Variants in RSL1D1 observed in about 807,000 individuals in gnomAD.
The protein encoded by RSL1D1 is ribosomal L1 domain-containing protein 1.
RSL1D1 carries 34 observed loss-of-function variants against 44.6 expected under a neutral mutation model. The ratio of observed to expected loss-of-function variants is 0.76; its 90% CI spans 0.58 to 1.02. RSL1D1 has a LOEUF of 1.02. Ranked by LOEUF, RSL1D1 falls within the 50% of genes least tolerant of loss-of-function variation. RSL1D1 has a pLI of 0.00. For synonymous variants in RSL1D1, 271 were observed against 207.4 expected, an observed-to-expected ratio of 1.31 and a Z score of -2.63; for missense variants, 767 against 568.1, an observed-to-expected ratio of 1.35 and a Z score of -3.56.
chr16:11,838,856 C>CAAAAAAA (rs760015457), intron 8 of RSL1D1, among the ~76,000 whole-genome samples: 2 of 82,314 alleles, frequency 2.4e-5, no homozygotes, highest in African/African-American at 8.7e-5. Context: ...GACCTTGTCT[C>CAAAAAAA]AAAAAAAAAA....
At chr16:11,844,106 T>C (rs1405336097) in intron 5 of RSL1D1, among the ~76,000 whole-genome samples, 1 of 152,008 alleles carries the variant, frequency 6.6e-6, no homozygotes, top group Non-Finnish European at 1.5e-5. Flanking sequence ...CCTCTCTCTC[T>C]TCAGCCAAAG....
chr16:11,839,428 C>A (rs545326270), intron 8 of RSL1D1, among the ~76,000 whole-genome samples: 27 of 147,762 alleles, frequency 1.8e-4, no homozygotes, highest in African/African-American at 5.7e-4. Flanking sequence ...TGTGGTGGCT[C>A]ACACTTGTAA....
chr16:11,845,393 C>T (rs1391922918), intron 5 of RSL1D1, among the ~76,000 whole-genome samples: 2 of 152,158 alleles, frequency 1.3e-5, no homozygotes, highest in African/African-American at 2.4e-5. Flanking sequence ...TTGGAGGTTG[C>T]AGTGAACTGT....
rs942345417 is a variant in RSL1D1, at chr16:11,838,824, T to G, written c.1147-711A>C. Among the ~76,000 whole-genome samples, 49 of 132,848 alleles carry G rather than the reference T, an allele frequency of 3.7e-4. 1 individual carries two copies. Among genetic ancestry groups the G allele is most frequent in the Non-Finnish European group, 7.6e-5 (5 of 65,482 alleles). The allele number at this position is 132,848 out of a possible 152,430, so 87.2% of individuals were successfully genotyped here. A position where few individuals can be genotyped will look rare whatever the true frequency, so the allele number is the denominator to read the frequency against. On this transcript the variant is annotated intron_variant, in intron 8 of 8. Transcript: ENST00000571133. Reference sequence around the variant, plus strand: ...GTGAGCCGAGATCATGCCACTGCACTCCATCCTGGGCAACAAAGTGAGACC... The same window carrying G: ...GTGAGCCGAGATCATGCCACTGCACGCCATCCTGGGCAACAAAGTGAGACC...
At chr16:11,849,923 C>T (rs1302978787) in intron 2 of RSL1D1, among the ~76,000 whole-genome samples, 1 of 152,096 alleles carries the variant, frequency 6.6e-6, no homozygotes, top group East Asian at 1.9e-4. Context: ...GACATCTCCG[C>T]TCACTGCCAC....
At chr16:11,851,099 G>A (rs1399861053) in intron 1 of RSL1D1, 2 of 437,260 alleles carry the variant, frequency 4.6e-6, no homozygotes, top group Non-Finnish European at 8.5e-6. Context: ...ACGGGTAACA[G>A]ACCTGCAAAA....
chr16:11,847,092 A>G (rs1434544409), intron 3 of RSL1D1, among the ~76,000 whole-genome samples: 2 of 152,142 alleles, frequency 1.3e-5, no homozygotes, highest in East Asian at 1.9e-4. Flanking sequence ...ATTATTATAC[A>G]TATGTTGCTG....
At chr16:11,847,114 G>A (rs1341483968) in intron 3 of RSL1D1, among the ~76,000 whole-genome samples, 3 of 152,092 alleles carry the variant, frequency 2.0e-5, no homozygotes, top group South Asian at 2.1e-4. Context: ...ATGTGCTTAC[G>A]CCTGTAATAC....
intron 5 of RSL1D1, among the ~76,000 whole-genome samples, chr16:11,844,387 ATCT>A (rs751808716): frequency 1.3e-5 from 2 of 152,092 alleles, no homozygotes; most frequent in Non-Finnish European, 2.9e-5. Flanking sequence ...TCATGGTACC[ATCT>A]TCTTCTCCCA....
In RSL1D1 at chr16:11,837,713, G is replaced by A. The variant is rs2053731876; in HGVS notation, c.*74C>T. On this transcript the variant is annotated 3_prime_UTR_variant, in exon 9 of 9. Coordinates refer to ENST00000571133, the MANE Select transcript of RSL1D1 (RefSeq NM_015659.3). ...CTGACGTTTAGAGAAGGTTACAAAG[G>A]CGGCCAGGATCTGAGTATTTCCAAA... 7.6e-6 allele frequency: 10 copies of A among 1,320,672 alleles called. No individual in the cohort carries two copies. In the South Asian group the frequency reaches 9.8e-5, roughly 13 times the overall value. The allele number at this position is 1,320,672 out of a possible 1,614,324, so 81.8% of individuals were successfully genotyped here.
In RSL1D1 at chr16:11,841,675, G is replaced by T; in HGVS notation, c.855+20C>A. On this transcript the variant is annotated intron_variant, in intron 7 of 8. Coordinates refer to ENST00000571133, the MANE Select transcript of RSL1D1 (RefSeq NM_015659.3). Reference sequence around the variant, plus strand: ...ACACCCTTCATTATTCATTCTGTAAGTATTTAAAATTCTACTAACTTTTTT... The same window carrying T: ...ACACCCTTCATTATTCATTCTGTAATTATTTAAAATTCTACTAACTTTTTT... 6.2e-7 allele frequency: 1 copy of T among 1,600,138 alleles called. No individual in the cohort carries two copies. The highest frequency in any genetic ancestry group is 8.5e-7 in the Non-Finnish European group (1 of 1,170,508).
At chr16:11,838,407 C>G (rs1299353524) in intron 8 of RSL1D1, among the ~76,000 whole-genome samples, 1 of 151,972 alleles carries the variant, frequency 6.6e-6, no homozygotes, top group African/African-American at 2.4e-5. Context: ...AGGTGATCCA[C>G]CTGCCTCGGC....
Position 11,835,947 on chromosome 16 carries a change from T to TG in RSL1D1, c.*1839_*1840insC, listed in dbSNP as rs2141248897. Reference sequence around the variant, plus strand: ...ATCTAAGCCCAGGGCATAAAATCCCTCGTGGCTTGGATAAAATCCAGGGCC... The same window carrying TG: ...ATCTAAGCCCAGGGCATAAAATCCCTGCGTGGCTTGGATAAAATCCAGGGCC... On this transcript the variant is annotated 3_prime_UTR_variant, in exon 9 of 9. Coordinates refer to ENST00000571133, the MANE Select transcript of RSL1D1 (RefSeq NM_015659.3). 6.6e-6 allele frequency: 1 copy of TG among 152,280 alleles called. No individual in the cohort carries two copies. Among genetic ancestry groups the TG allele is most frequent in the Non-Finnish European group, 1.5e-5 (1 of 68,046 alleles). 9.4% of individuals were successfully genotyped at this position (152,280 alleles called of 1,614,324 possible). A position where few individuals can be genotyped will look rare whatever the true frequency, so the allele number is the denominator to read the frequency against.
At position 11,837,969 on chromosome 16, in the gene RSL1D1, T is replaced by G. The variant is rs757833801; in HGVS notation, c.1291A>C (p.Lys431Gln). 20 of 1,613,756 alleles carry G rather than the reference T, an allele frequency of 1.2e-5. No individual in the cohort carries two copies. The highest frequency in any genetic ancestry group is 2.2e-5 in the East Asian group (1 of 44,886). ...SETPGKSPEK[K>Q]PKIKEEAVKE... ...ACTGCCTCTTCTTTGATTTTTGGCT[T>G]CTTCTCTGGGCTTTTCCCTGGGGTC... The change falls in exon 9 of 9, where the codon AAG becomes CAG. Residue 431 changes from lysine to glutamine, a missense_variant. By Grantham distance (53) the Lys-to-Gln change is moderately conservative. Transcript: ENST00000571133.
At position 11,839,864 on chromosome 16, in the gene RSL1D1, C is replaced by G; in HGVS notation, c.977G>C (p.Gly326Ala). 6.2e-7 allele frequency: 1 copy of G among 1,614,156 alleles called. No individual in the cohort carries two copies. Among genetic ancestry groups the G allele is most frequent in the Non-Finnish European group, 8.5e-7 (1 of 1,180,030 alleles). ...LSKDDVAPES[G>A]DTTVKKPESK... is the part of the protein sequence containing the mutation. ...TTCAGGTTTCTTCACTGTAGTATCA[C>G]CACTTTCAGGTGCCACATCATCTTT... Residue 326 changes from glycine (G) to alanine (A), a missense_variant, in exon 8 of 9, where the codon GGT (glycine) becomes GCT (alanine). Physicochemically the swap from Gly to Ala is moderately conservative, Grantham distance 60 (BLOSUM62 0). Coordinates refer to ENST00000571133, the MANE Select transcript of RSL1D1 (RefSeq NM_015659.3).
chr16:11,838,250 A>G (rs944886735), intron 8 of RSL1D1, 137 bp from the exon 9 acceptor site: 9 of 716,094 alleles, frequency 1.3e-5, no homozygotes, highest in African/African-American at 3.6e-5. Flanking sequence ...CTAGAGTGCA[A>G]TGGCACAATC....
Position 11,837,685 on chromosome 16 carries a change from G to C in RSL1D1, c.*102C>G. 2.7e-6 allele frequency: 3 copies of C among 1,098,514 alleles called. No individual in the cohort carries two copies. Among genetic ancestry groups the C allele is most frequent in the Non-Finnish European group, 4.0e-6 (3 of 753,854 alleles). The allele number at this position is 1,098,514 out of a possible 1,614,324, so 68.0% of individuals were successfully genotyped here. On this transcript the variant is annotated 3_prime_UTR_variant, in exon 9 of 9. Transcript: ENST00000571133. ...GGTTTTAAAAAATCTTTTAAGTCCA[G>C]GCCTGACGTTTAGAGAAGGTTACAA...
chr16:11,842,185 G>A (rs2053768236), intron 5 of RSL1D1, among the ~76,000 whole-genome samples, 185 bp from the exon 6 acceptor site: 1 of 151,394 alleles, frequency 6.6e-6, no homozygotes, highest in Non-Finnish European at 1.5e-5. Flanking sequence ...AAATTAACTG[G>A]GCATGGTGGT....
Position 11,837,667 on chromosome 16 carries a change from A to T in RSL1D1, c.*120T>A. 1 of 1,000,386 alleles carries T rather than the reference A, an allele frequency of 1.0e-6. No homozygotes were observed. The highest frequency in any genetic ancestry group is 1.5e-6 in the Non-Finnish European group (1 of 668,972). 62.0% of individuals were successfully genotyped at this position (1,000,386 alleles called of 1,614,324 possible). ...CCCTGGACTACTTATGGAGGTTTTAAAAAATCTTTTAAGTCCAGGCCTGAC... is the reference window on the plus strand; with the variant it reads ...CCCTGGACTACTTATGGAGGTTTTATAAAATCTTTTAAGTCCAGGCCTGAC... On this transcript the variant is annotated 3_prime_UTR_variant, in exon 9 of 9. Transcript: ENST00000571133.
Sources: allele counts gnomAD v4.1 joint callset (sites outside exome capture counted in the v4.1 genomes callset), GRCh38; gene constraint gnomAD v4.1.1; transcripts MANE v1.5; gene names NCBI Gene and HGNC (gene_info 2026-07-23, HGNC 2026-07-21).